Variants in OR7D2 observed in about 807,000 individuals in gnomAD.
OR7D2 encodes olfactory receptor family 7 subfamily D member 2.
For missense variants in OR7D2, 370 were observed against 384.1 expected, an observed-to-expected ratio of 0.96 and a Z score of 0.31; for synonymous variants, 158 against 158.7, an observed-to-expected ratio of 1.00 and a Z score of 0.03.
chr19:9,185,859 C>A lies in OR7D2; in HGVS notation c.78C>A (p.Phe26Leu), dbSNP rs1172454527. 1 of 1,612,892 alleles carries A rather than the reference C, an allele frequency of 6.2e-7. No individual in the cohort carries two copies. The change falls in exon 3 of 3, where the codon TTC becomes TTA. Residue 26 changes from phenylalanine (F) to leucine (L), a missense_variant. Coordinates refer to ENST00000641288, the MANE Select transcript of OR7D2 (RefSeq NM_175883.4). The part of the protein sequence containing the change: ...GLSEDPELQP[F>L]IFGLFLSMYL... ...CTGAGGATCCAGAACTACAGCCGTT[C>A]ATATTTGGGCTGTTCCTGTCCATGT...
In OR7D2 at chr19:9,187,964, T is replaced by C. The variant is rs2051051088; in HGVS notation, c.*1244T>C. On this transcript the variant is annotated 3_prime_UTR_variant, in exon 3 of 3. Coordinates refer to ENST00000641288, the MANE Select transcript of OR7D2 (RefSeq NM_175883.4). ...CACTTAGGTTGGTTCCATGCCTTTG[T>C]AATTGCTAATTATGTTGCTATAAAC... is the stretch of plus-strand genomic sequence containing the variant. 6.0e-6 allele frequency: 1 copy of C among 166,940 alleles called. No homozygotes were observed. The highest frequency in any genetic ancestry group is 1.5e-5 in the Non-Finnish European group (1 of 68,134). 10.3% of individuals were successfully genotyped at this position (166,940 alleles called of 1,614,324 possible).
In OR7D2 at chr19:9,185,879, C is replaced by T. The variant is rs1347866764; in HGVS notation, c.98C>T (p.Ser33Phe). ...CCGTTCATATTTGGGCTGTTCCTGT[C>T]CATGTACCTGGTGACGGTGCTGGGA... is the stretch of plus-strand genomic sequence containing the variant. ...LQPFIFGLFL[S>F]MYLVTVLGNL... Residue 33 changes from serine to phenylalanine, a missense_variant, in exon 3 of 3, where the codon TCC becomes TTC. Physicochemically the swap from Ser to Phe is radical, Grantham distance 155. Transcript: ENST00000641288. The T allele has an allele frequency of 7.4e-6, 12 of 1,613,732 alleles. No homozygotes were observed. Among genetic ancestry groups the T allele is most frequent in the Non-Finnish European group, 1.0e-5 (12 of 1,179,850 alleles).
At position 9,186,169 on chromosome 19, in the gene OR7D2, C is replaced by G; in HGVS notation, c.388C>G (p.Leu130Val). The change falls in exon 3 of 3, where the codon CTG becomes GTG. Residue 130 changes from leucine to valine, a missense_variant. Coordinates refer to ENST00000641288, the MANE Select transcript of OR7D2 (RefSeq NM_175883.4). ...CCGGTTTGTGGCTGTCTGCCACCCT[C>G]TGCACTATATGATCATCATGAACCC... is the stretch of plus-strand genomic sequence containing the variant. The part of the protein sequence containing the change: ...YDRFVAVCHP[L>V]HYMIIMNPHL... 1 of 1,614,126 alleles carries G rather than the reference C, an allele frequency of 6.2e-7. No individual in the cohort carries two copies. Among genetic ancestry groups the G allele is most frequent in the Non-Finnish European group, 8.5e-7 (1 of 1,180,014 alleles).
chr19:9,182,645 G>C (rs953708030), intron 2 of OR7D2, among the ~76,000 whole-genome samples: 2 of 151,880 alleles, frequency 1.3e-5, no homozygotes, highest in African/African-American at 2.4e-5. Context: ...TCAGCCTCAC[G>C]AGTAGCTGGG....
At chr19:9,181,758 T>C (rs1401589813) in intron 2 of OR7D2, among the ~76,000 whole-genome samples, 1 of 152,208 alleles carries the variant, frequency 6.6e-6, no homozygotes, top group Non-Finnish European at 1.5e-5. Flanking sequence ...GGCATTTCTT[T>C]GTATTTTATG....
intron 2 of OR7D2, 156 bp from the exon 3 acceptor site, chr19:9,185,613 T>C: frequency 2.4e-6 from 1 of 409,758 alleles, no homozygotes; most frequent in Admixed American, 4.0e-5. Flanking sequence ...GAGACAGTTC[T>C]CCCTCTATTG....
In OR7D2 at chr19:9,186,770, A is replaced by C; in HGVS notation, c.*50A>C. 1 of 1,247,648 alleles carries C rather than the reference A, an allele frequency of 8.0e-7. No individual in the cohort carries two copies. Among genetic ancestry groups the C allele is most frequent in the East Asian group, 2.4e-5 (1 of 42,108 alleles). The allele number at this position is 1,247,648 out of a possible 1,614,324, so 77.3% of individuals were successfully genotyped here. A position where few individuals can be genotyped will look rare whatever the true frequency, so the allele number is the denominator to read the frequency against. On this transcript the variant is annotated 3_prime_UTR_variant, in exon 3 of 3. Coordinates refer to ENST00000641288, the MANE Select transcript of OR7D2 (RefSeq NM_175883.4). ...GAAGTTTTGTGAGCACCAATGGCAA[A>C]AATGTTTTATTTTGAAATTCTTACT...
chr19:9,181,814 A>T (rs2050991405), intron 2 of OR7D2, among the ~76,000 whole-genome samples: 1 of 152,104 alleles, frequency 6.6e-6, no homozygotes. Flanking sequence ...GTGCCCCTCA[A>T]GCTCAGTTTG....
Position 9,185,789 on chromosome 19 carries a change from C to T in OR7D2, c.8C>T (p.Ala3Val). Reference sequence around the variant, plus strand: ...TGTAGATACATCAGCTACATGGAAGCAGGAAACCAAACAGGATTTTTAGAG... The same window carrying T: ...TGTAGATACATCAGCTACATGGAAGTAGGAAACCAAACAGGATTTTTAGAG... MEAGNQTGFLEFI... is the reference protein window; with the variant it reads MEVGNQTGFLEFI... The change falls in exon 3 of 3, where the codon GCA (alanine) becomes GTA (valine). Residue 3 changes from alanine (A) to valine (V), a missense_variant. Physicochemically the swap from Ala to Val is moderately conservative, Grantham distance 64. Coordinates refer to ENST00000641288, the MANE Select transcript of OR7D2 (RefSeq NM_175883.4). The T allele has an allele frequency of 6.4e-7, 1 of 1,571,326 alleles. No individual in the cohort carries two copies. Among genetic ancestry groups the T allele is most frequent in the African/African-American group, 1.3e-5 (1 of 74,148 alleles).
chr19:9,188,446 A>G lies in OR7D2; in HGVS notation c.*1726A>G, dbSNP rs1403890358. On this transcript the variant is annotated 3_prime_UTR_variant, in exon 3 of 3. Transcript: ENST00000641288. Reference sequence around the variant, plus strand: ...AAAGTCCAGTCCTCCATTGATGGACACGTAGGTTGATTCCATATCTTTGCT... The same window carrying G: ...AAAGTCCAGTCCTCCATTGATGGACGCGTAGGTTGATTCCATATCTTTGCT... The G allele has an allele frequency of 6.0e-6, 1 of 167,016 alleles. No homozygotes were observed. Among genetic ancestry groups the G allele is most frequent in the Non-Finnish European group, 1.5e-5 (1 of 68,124 alleles). 10.3% of individuals were successfully genotyped at this position (167,016 alleles called of 1,614,324 possible).
intron 2 of OR7D2, chr19:9,183,006 C>G: frequency 2.3e-6 from 1 of 439,498 alleles, no homozygotes; most frequent in Non-Finnish European, 4.5e-6. Context: ...TACACGGCAT[C>G]AGGGCCTTCA....
chr19:9,185,436 A>C (rs1568323067), intron 2 of OR7D2, among the ~76,000 whole-genome samples: 1 of 151,626 alleles, frequency 6.6e-6, no homozygotes, highest in Non-Finnish European at 1.5e-5. Context: ...TAGTATGGAC[A>C]ACATTTCTAT....
Position 9,186,964 on chromosome 19 carries a change from G to C in OR7D2, c.*244G>C, listed in dbSNP as rs1441436660. On this transcript the variant is annotated 3_prime_UTR_variant, in exon 3 of 3. Coordinates refer to ENST00000641288, the MANE Select transcript of OR7D2 (RefSeq NM_175883.4). ...GACGGAGTCTCACTCTGTCTCCCAG[G>C]CTGGAGTGCAGTGGAGTGATCTCGG... 6.0e-6 allele frequency: 2 copies of C among 332,288 alleles called. No individual in the cohort carries two copies. Among genetic ancestry groups the C allele is most frequent in the Non-Finnish European group, 1.1e-5 (2 of 182,600 alleles). The allele number at this position is 332,288 out of a possible 1,614,324, so 20.6% of individuals were successfully genotyped here.
Position 9,187,636 on chromosome 19 carries a change from C to G in OR7D2, c.*916C>G, listed in dbSNP as rs1430463136. 1 of 166,924 alleles carries G rather than the reference C, an allele frequency of 6.0e-6. No individual in the cohort carries two copies. The highest frequency in any genetic ancestry group is 1.5e-5 in the Non-Finnish European group (1 of 68,096). 10.3% of individuals were successfully genotyped at this position (166,924 alleles called of 1,614,324 possible). A position where few individuals can be genotyped will look rare whatever the true frequency, so the allele number is the denominator to read the frequency against. On this transcript the variant is annotated 3_prime_UTR_variant, in exon 3 of 3. Coordinates refer to ENST00000641288, the MANE Select transcript of OR7D2 (RefSeq NM_175883.4). Reference sequence around the variant, plus strand: ...GTAGTAGTCTCTTATTCCTCACCCCCCTCCCAACCTTTCTCCCTTCAAGTC... The same window carrying G: ...GTAGTAGTCTCTTATTCCTCACCCCGCTCCCAACCTTTCTCCCTTCAAGTC...
At chr19:9,181,282 T>A (rs1349669345) in intron 2 of OR7D2, among the ~76,000 whole-genome samples, 1 of 150,582 alleles carries the variant, frequency 6.6e-6, no homozygotes, top group Non-Finnish European at 1.5e-5. Context: ...TATAATACTA[T>A]AAAATTTACA....
chr19:9,183,370 G>A (rs1470030083), intron 2 of OR7D2, among the ~76,000 whole-genome samples: 3 of 152,122 alleles, frequency 2.0e-5, no homozygotes, highest in Middle Eastern at 3.2e-3. Context: ...GAACACTGTG[G>A]CTCAAAGCGA....
rs1021391935 is a variant in OR7D2 at position 9,185,377 on chromosome 19, A to T, written c.-13-392A>T. On this transcript the variant is annotated intron_variant, in intron 2 of 2. Coordinates refer to ENST00000641288, the MANE Select transcript of OR7D2 (RefSeq NM_175883.4). Reference sequence around the variant, plus strand: ...GAGAGACTTCATTTTTTAGAATTCCATTTACGTATGAAAGATTAGACAAAA... The same window carrying T: ...GAGAGACTTCATTTTTTAGAATTCCTTTTACGTATGAAAGATTAGACAAAA... Among the ~76,000 whole-genome samples, 14 of 151,720 alleles carry T rather than the reference A, an allele frequency of 9.2e-5. 1 individual carries two copies.
intron 2 of OR7D2, among the ~76,000 whole-genome samples, chr19:9,184,421 AGG>A (rs1310307203): frequency 6.6e-6 from 1 of 152,080 alleles, no homozygotes; most frequent in African/African-American, 2.4e-5. Context: ...AAAAATAAAA[AGG>A]AAAAAGAAAT....
intron 2 of OR7D2, chr19:9,182,973 C>T: frequency 2.2e-6 from 1 of 453,412 alleles, no homozygotes; most frequent in South Asian, 2.2e-5. Flanking sequence ...AATTCATGGC[C>T]ATCAGATAAT....
Sources: gnomAD v4.1 joint callset for allele counts (sites outside exome capture counted in the v4.1 genomes callset) on GRCh38, gnomAD v4.1.1 for gene constraint, MANE v1.5 for transcripts, NCBI Gene and HGNC (gene_info 2026-07-23, HGNC 2026-07-21) for gene names.